The following MBD6 variants were observed in gnomAD, a reference collection of about 807,000 sequenced individuals.
The protein encoded by MBD6 is methyl-CpG-binding domain protein 6.
Under a neutral mutation model 66.8 loss-of-function variants are expected in MBD6, and 22 were observed. The observed-to-expected ratio is 0.33, with a 90% CI of 0.24 to 0.47. MBD6 has a LOEUF of 0.47. Ranked by LOEUF, MBD6 falls within the 20% of genes least tolerant of loss-of-function variation. MBD6 has a pLI of 1.00. For missense variants in MBD6, 1,322 were observed against 1,286.9 expected, an observed-to-expected ratio of 1.03 and a Z score of -0.42; for synonymous variants, 540 against 534.6, an observed-to-expected ratio of 1.01 and a Z score of -0.14.
At chr12:57,525,326 C>T (rs760705253) in intron 5 of MBD6, 22 bp from the exon 6 acceptor site, 3 of 1,558,322 alleles carry the variant, frequency 1.9e-6, no homozygotes, top group South Asian at 2.5e-5. Context: ...CAGGCTGACC[C>T]TTCATTTTTC....
At chr12:57,528,855 CTATCCAAATGTAG>C in intron 11 of MBD6, 78 bp from the exon 12 acceptor site, 1 of 1,605,072 alleles carries the variant, frequency 6.2e-7, no homozygotes, top group South Asian at 1.1e-5. Flanking sequence ...TATGCCTTTA[CTATCCAAATGTAG>C]AAAGTTTCCC....
intron 1 of MBD6, among the ~76,000 whole-genome samples, chr12:57,523,715 G>A (rs1369830540): frequency 6.6e-6 from 1 of 152,196 alleles, no homozygotes; most frequent in East Asian, 1.9e-4. Flanking sequence ...CTTCCTAGTG[G>A]CCTAGCATTA....
downstream of MBD6, chr12:57,530,759 C>T (rs746028213): frequency 1.5e-5 from 24 of 1,613,844 alleles, no homozygotes; most frequent in South Asian, 3.3e-5. Flanking sequence ...CAGGTTTTCA[C>T]GCATGGTTGT....
At chr12:57,524,571 T>G (rs1878708207) in intron 3 of MBD6, 149 bp from the exon 4 acceptor site, 1 of 1,046,750 alleles carries the variant, frequency 9.6e-7, no homozygotes, top group Non-Finnish European at 1.4e-6. Flanking sequence ...CTCTGGGCCT[T>G]TGAATCCATT....
Position 57,526,134 on chromosome 12 carries a change from C to T in MBD6, c.1166C>T (p.Pro389Leu). The T allele has an allele frequency of 6.2e-7, 1 of 1,614,188 alleles. No homozygotes were observed. Residue 389 changes from proline (P) to leucine (L), a missense_variant, in exon 6 of 13, where the codon CCT becomes CTT. Coordinates refer to ENST00000355673, the MANE Select transcript of MBD6 (RefSeq NM_052897.4). The stretch of plus-strand genomic sequence containing the variant: ...CCTCAAACCCCTAGACGGAGCCGTC[C>T]TCGGGCCCCTGCTCCTGTCCCCCAA... ...RGPQTPRRSR[P>L]RAPAPVPQPF...
At chr12:57,521,612 G>A (rs1478724274), upstream of MBD6, 1 of 152,246 alleles carries the variant, frequency 6.6e-6, no homozygotes, top group Non-Finnish European at 1.5e-5. Context: ...CTTTTACCTT[G>A]TAGTTGGTAA....
chr12:57,528,905 G>T, intron 11 of MBD6, 41 bp from the exon 12 acceptor site: 13 of 1,613,952 alleles, frequency 8.1e-6, no homozygotes, highest in Non-Finnish European at 9.3e-6. Context: ...TTCACCTGGT[G>T]CTTGGGAGCT....
At chr12:57,524,689 C>T (rs202233556) in intron 3 of MBD6, 31 bp from the exon 4 acceptor site, 53 of 1,601,950 alleles carry the variant, frequency 3.3e-5, no homozygotes, top group Non-Finnish European at 3.8e-5. Context: ...TGCCAGCTAA[C>T]CCCATGTCCT....
downstream of MBD6, among the ~76,000 whole-genome samples, chr12:57,531,162 G>A (rs1879663193): frequency 6.6e-6 from 1 of 152,164 alleles, no homozygotes; most frequent in African/African-American, 2.4e-5. Context: ...CAGTGATCCT[G>A]TGATTGATGC....
chr12:57,526,706 C>T lies in MBD6; in HGVS notation c.1561C>T (p.Pro521Ser). 2 of 1,544,844 alleles carry T rather than the reference C, an allele frequency of 1.3e-6. No homozygotes were observed. The highest frequency in any genetic ancestry group is 2.5e-5 in the South Asian group (2 of 81,332). Reference sequence around the variant, plus strand: ...GGCTGGTGGAGAGGCTTTCCCTTTCCCCAGCCCTGAGCAGGGCCTGGCACT... The same window carrying T: ...GGCTGGTGGAGAGGCTTTCCCTTTCTCCAGCCCTGAGCAGGGCCTGGCACT... ...PLAGGEAFPF[P>S]SPEQGLALSG... Residue 521 changes from proline to serine, a missense_variant, in exon 7 of 13, where the codon CCC (proline) becomes TCC (serine). Pro to Ser is a moderately conservative substitution (Grantham distance 74). Coordinates refer to ENST00000355673, the MANE Select transcript of MBD6 (RefSeq NM_052897.4).
chr12:57,530,464 C>T, downstream of MBD6: 1 of 483,060 alleles, frequency 2.1e-6, no homozygotes, highest in Non-Finnish European at 3.7e-6. Context: ...CGTCCTTATC[C>T]CCCAGGCCTG....
Position 57,525,664 on chromosome 12 carries a change from C to T in MBD6, c.696C>T (p.Ala232=). 1 of 1,614,040 alleles carries T rather than the reference C, an allele frequency of 6.2e-7. No individual in the cohort carries two copies. The highest frequency in any genetic ancestry group is 8.5e-7 in the Non-Finnish European group (1 of 1,179,986). Residue 232 remains alanine, a synonymous_variant, in exon 6 of 13, where the codon GCC becomes GCT. Coordinates refer to ENST00000355673, the MANE Select transcript of MBD6 (RefSeq NM_052897.4). ...CTCCCTCATACAACTGGGGAGCTGC[C>T]CTCAGATCCAGCCTGGTGCCCTCTG... ...LNAPSYNWGA[A]LRSSLVPSDL...
rs1431811744 is a variant in MBD6, at chr12:57,528,678, G to A, written c.2833G>A (p.Val945Ile). ...CATCTTTTCTCAGGTGCCCCCGGGA[G>A]TAGTCAGAAAGTCTCGTCGTGGCCG... ...HSEDLKVPPG[V>I]VRKSRRGRRR... Residue 945 changes from valine to isoleucine, a missense_variant, in exon 11 of 13, where the codon GTA becomes ATA. Transcript: ENST00000355673. 5.6e-6 allele frequency: 9 copies of A among 1,614,188 alleles called. No homozygotes were observed. Among genetic ancestry groups the A allele is most frequent in the South Asian group, 1.1e-5 (1 of 91,084 alleles).
Position 57,528,029 on chromosome 12 carries a change from G to A in MBD6, c.2406+12G>A, listed in dbSNP as rs377333981. 51 of 1,532,572 alleles carry A rather than the reference G, an allele frequency of 3.3e-5. No individual in the cohort carries two copies. Among genetic ancestry groups the A allele is most frequent in the Non-Finnish European group, 4.3e-5 (49 of 1,143,638 alleles). The allele number at this position is 1,532,572 out of a possible 1,614,324, so 94.9% of individuals were successfully genotyped here. A position where few individuals can be genotyped will look rare whatever the true frequency, so the allele number is the denominator to read the frequency against. Reference sequence around the variant, plus strand: ...TACAGAGTCTCCAGGTGAGGGTGTGGGCATATATTTGTCAGGGAGATAATT... The same window carrying A: ...TACAGAGTCTCCAGGTGAGGGTGTGAGCATATATTTGTCAGGGAGATAATT... On this transcript the variant is annotated intron_variant, in intron 9 of 12. Coordinates refer to ENST00000355673, the MANE Select transcript of MBD6 (RefSeq NM_052897.4).
upstream of MBD6, among the ~76,000 whole-genome samples, chr12:57,522,157 G>A (rs888925737): frequency 6.6e-6 from 1 of 152,194 alleles, no homozygotes; most frequent in Admixed American, 6.5e-5. Context: ...TGACTGGAGT[G>A]GTGTGGCAAT....
At position 57,526,856 on chromosome 12, in the gene MBD6, C is replaced by T. The variant is rs775650411; in HGVS notation, c.1711C>T (p.Pro571Ser). ...FGVLTGGGGQ[P>S]PPEPLLPPPG... ...TGTGCTGACTGGGGGAGGAGGACAA[C>T]CTCCCCCTGAGCCCCTGCTACCCCC... Residue 571 changes from proline to serine, a missense_variant, in exon 7 of 13, where the codon CCT becomes TCT. By Grantham distance (74) the Pro-to-Ser change is moderately conservative (BLOSUM62 -1). Transcript: ENST00000355673. 6.2e-7 allele frequency: 1 copy of T among 1,613,558 alleles called. No homozygotes were observed. The highest frequency in any genetic ancestry group is 2.2e-5 in the East Asian group (1 of 44,866).
In MBD6 at chr12:57,526,369, C is replaced by T; in HGVS notation, c.1401C>T (p.Gly467=). 6.3e-7 allele frequency: 1 copy of T among 1,595,162 alleles called. No individual in the cohort carries two copies. Among genetic ancestry groups the T allele is most frequent in the Non-Finnish European group, 8.5e-7 (1 of 1,170,248 alleles). The stretch of plus-strand genomic sequence containing the variant: ...CCTCCCTGCCTGGGACCACCAGTGG[C>T]AGCCTCAGCAGTGTGCCAGGTATGT... ...IQPSLPGTTS[G]SLSSVPGAPA... is the part of the protein sequence containing the mutation. Residue 467 remains glycine, a synonymous_variant, in exon 6 of 13, where the codon GGC becomes GGT. Coordinates refer to ENST00000355673, the MANE Select transcript of MBD6 (RefSeq NM_052897.4).
Position 57,524,863 on chromosome 12 carries a change from T to C in MBD6, c.216+41T>C, listed in dbSNP as rs373449657. ...GGCGCCTGAGAGTACAGAGATAAGC[T>C]AAAAGTCTTAATGCAAATCACTGAC... On this transcript the variant is annotated intron_variant, in intron 4 of 12. Transcript: ENST00000355673. 3.3e-5 allele frequency: 53 copies of C among 1,613,080 alleles called. No homozygotes were observed. The African/African-American group carries it at 6.7e-4, about 20-fold the overall frequency.
Position 57,525,344 on chromosome 12 carries a change from G to C in MBD6, c.380-4G>C. 1 of 1,562,700 alleles carries C rather than the reference G, an allele frequency of 6.4e-7. No individual in the cohort carries two copies. The highest frequency in any genetic ancestry group is 8.6e-7 in the Non-Finnish European group (1 of 1,160,816). On this transcript the variant is annotated splice_polypyrimidine_tract_variant and splice_region_variant and intron_variant, in intron 5 of 12. Coordinates refer to ENST00000355673, the MANE Select transcript of MBD6 (RefSeq NM_052897.4). Reference sequence around the variant, plus strand: ...GCTGACCCTTCATTTTTCATTTATTGCAGGAGAGGGAGCGAGCCCCCAAAT... The same window carrying C: ...GCTGACCCTTCATTTTTCATTTATTCCAGGAGAGGGAGCGAGCCCCCAAAT...
Sources: allele counts gnomAD v4.1 joint callset (sites outside exome capture counted in the v4.1 genomes callset), GRCh38; gene constraint gnomAD v4.1.1; transcripts MANE v1.5; gene names NCBI Gene and HGNC (gene_info 2026-07-23, HGNC 2026-07-21).